Variants in CKAP2 observed in about 807,000 individuals in gnomAD.
CKAP2 encodes the protein cytoskeleton associated protein 2, also known as cytoskeleton-associated protein 2.
In CKAP2, 46 loss-of-function variants were observed where a neutral mutation model predicts 58.4. The ratio of observed to expected loss-of-function variants is 0.79; its 90% CI spans 0.62 to 1.01. The LOEUF is 1.01. CKAP2 is among the 50% of genes least tolerant of loss of function. The pLI is 0.00. For missense variants in CKAP2, 809 were observed against 796.4 expected (o/e 1.02, Z -0.19); for synonymous variants, 293 against 280.9 (o/e 1.04, Z -0.43).
chr13:52,461,398 G>A lies in CKAP2; in HGVS notation c.572G>A (p.Arg191Lys), dbSNP rs1279420474. 2 of 1,614,202 alleles carry A rather than the reference G, an allele frequency of 1.2e-6. No homozygotes were observed. The highest frequency in any genetic ancestry group is 2.2e-5 in the South Asian group (2 of 91,080). ...GTTCAGTCTAAGATTAATTCATTTA[G>A]AAAACCTCTACAAGTCAAAGATGAG... ...QIVQSKINSF[R>K]KPLQVKDESS... Residue 191 changes from arginine (R) to lysine (K), a missense_variant, in exon 4 of 9, where the codon AGA becomes AAA. Arg to Lys is a conservative substitution (Grantham distance 26). Transcript: ENST00000258607.
chr13:52,474,228 G>A, intron 8 of CKAP2, 144 bp downstream of exon 8: 2 of 802,918 alleles, frequency 2.5e-6, no homozygotes, highest in South Asian at 1.9e-5. Context: ...GCTCACGCCT[G>A]TAATTTCAGC....
intron 2 of CKAP2, among the ~76,000 whole-genome samples, chr13:52,460,124 G>A (rs1172214006): frequency 6.6e-6 from 1 of 152,086 alleles, no homozygotes. Flanking sequence ...CTCCCAAAGT[G>A]CTGCTATTAC....
In CKAP2 at chr13:52,461,825, G is replaced by C. The variant is rs3809374; in HGVS notation, c.999G>C (p.Leu333=). The change falls in exon 4 of 9, where the codon CTG becomes CTC. Residue 333 remains leucine (L), a synonymous_variant. Coordinates refer to ENST00000258607, the MANE Select transcript of CKAP2 (RefSeq NM_018204.5). Reference sequence around the variant, plus strand: ...CTGCTTCATTGTCTAATGATAAACTGATGGAAAAGTCAGAGCCCGTTGACC... The same window carrying C: ...CTGCTTCATTGTCTAATGATAAACTCATGGAAAAGTCAGAGCCCGTTGACC... ...ARPASLSNDK[L]MEKSEPVDQR... is the part of the protein sequence containing the mutation. 6.2e-7 allele frequency: 1 copy of C among 1,614,066 alleles called. No individual in the cohort carries two copies. Among genetic ancestry groups the C allele is most frequent in the South Asian group, 1.1e-5 (1 of 91,058 alleles).
chr13:52,463,492 T>G (rs1958615589), intron 5 of CKAP2, among the ~76,000 whole-genome samples: 2 of 152,044 alleles, frequency 1.3e-5, no homozygotes, highest in Admixed American at 6.5e-5. Flanking sequence ...AAAAGACACA[T>G]TAATACAGTG....
intron 4 of CKAP2, 115 bp downstream of exon 4, chr13:52,462,041 C>A: frequency 1.0e-6 from 1 of 954,462 alleles, no homozygotes; most frequent in Non-Finnish European, 1.5e-6. Flanking sequence ...TCTCTTCTGT[C>A]ATATGCAGGC....
At chr13:52,474,809 G>T in intron 8 of CKAP2, 86 bp from the exon 9 acceptor site, 1 of 1,289,016 alleles carries the variant, frequency 7.8e-7, no homozygotes, top group South Asian at 1.5e-5. Context: ...TAACATACAA[G>T]CTATATAGTA....
intron 2 of CKAP2, among the ~76,000 whole-genome samples, chr13:52,457,085 C>T (rs1171072259): frequency 6.6e-6 from 1 of 152,028 alleles, no homozygotes; most frequent in African/African-American, 2.4e-5. Context: ...TAAACAGAGA[C>T]CGGGTTTCAC....
Position 52,465,379 on chromosome 13 carries a change from A to G in CKAP2, c.1390A>G (p.Ile464Val), listed in dbSNP as rs757506861. 2 of 1,613,144 alleles carry G rather than the reference A, an allele frequency of 1.2e-6. No individual in the cohort carries two copies. Among genetic ancestry groups the G allele is most frequent in the Admixed American group, 3.3e-5 (2 of 60,008 alleles). Reference sequence around the variant, plus strand: ...TGCCAAAAAGCTTGTTAAGTATTGGATATGTCTTGCACTTATTGAACCAAT... The same window carrying G: ...TGCCAAAAAGCTTGTTAAGTATTGGGTATGTCTTGCACTTATTGAACCAAT... ...PDAKKLVKYW[I>V]CLALIEPITS... The change falls in exon 6 of 9, where the codon ATA becomes GTA. Residue 464 changes from isoleucine to valine, a missense_variant. Around this residue, in one of 3 missense-constraint regions of CKAP2, gnomAD observed 283 missense variants for 287.6 expected, o/e 0.98. Coordinates refer to ENST00000258607, the MANE Select transcript of CKAP2 (RefSeq NM_018204.5).
chr13:52,456,042 G>C (rs1207819536), intron 1 of CKAP2: 1 of 1,036,428 alleles, frequency 9.6e-7, no homozygotes, highest in Non-Finnish European at 1.2e-6. Flanking sequence ...CGCATCATGT[G>C]TTATTTCCAA....
At position 52,461,609 on chromosome 13, in the gene CKAP2, T is replaced by C. The variant is rs781591109; in HGVS notation, c.783T>C (p.Ser261=). 3.7e-6 allele frequency: 6 copies of C among 1,614,010 alleles called. No individual in the cohort carries two copies. The highest frequency in any genetic ancestry group is 5.1e-6 in the Non-Finnish European group (6 of 1,180,032). ...GACCTCCTATTAGAAGTCATCACAG[T>C]AATACCCGGGACACTGTGAAACAAG... ...LVRPPIRSHH[S]NTRDTVKQGI... The change falls in exon 4 of 9, where the codon AGT becomes AGC. Residue 261 remains serine (S), a synonymous_variant. Coordinates refer to ENST00000258607, the MANE Select transcript of CKAP2 (RefSeq NM_018204.5).
rs370416292 is a variant in CKAP2, at chr13:52,474,975, G to A, written c.1883G>A (p.Arg628Gln). Residue 628 changes from arginine (R) to glutamine (Q), a missense_variant, in exon 9 of 9, where the codon CGA (arginine) becomes CAA (glutamine). Around this residue, in one of 3 missense-constraint regions of CKAP2, gnomAD observed 283 missense variants for 287.6 expected, o/e 0.98. Transcript: ENST00000258607. ...LKFLTPVRRS[R>Q]RLQEKTSKLP... is the part of the protein sequence containing the mutation. The stretch of plus-strand genomic sequence containing the variant: ...TTTTTAACACCAGTGAGACGTTCTC[G>A]ACGTCTTCAAGAGAAAACTTCTAAA... The A allele has an allele frequency of 6.7e-5, 108 of 1,613,914 alleles. No individual in the cohort carries two copies. Among genetic ancestry groups the A allele is most frequent in the Middle Eastern group, 4.9e-4 (3 of 6,084 alleles).
At chr13:52,461,016 A>G in intron 3 of CKAP2, 42 bp downstream of exon 3, 1 of 1,606,004 alleles carries the variant, frequency 6.2e-7, no homozygotes, top group Non-Finnish European at 8.5e-7. Flanking sequence ...CCCCTTTTCC[A>G]TTTTGCCTTT....
Position 52,468,435 on chromosome 13 carries a change from C to T in CKAP2, c.1546+88C>T. On this transcript the variant is annotated intron_variant, in intron 7 of 8. Transcript: ENST00000258607. ...AACTTTTATTTTAAGATCAGGAGTA[C>T]GTGTGCAGGATGTGCAGGTTTGTTA... 21 of 750,650 alleles carry T rather than the reference C, an allele frequency of 2.8e-5. 1 individual carries two copies. Among genetic ancestry groups the T allele is most frequent in the South Asian group, 2.6e-4 (15 of 56,954 alleles). 46.5% of individuals were successfully genotyped at this position (750,650 alleles called of 1,614,324 possible).
chr13:52,464,607 T>C (rs1047581204), intron 5 of CKAP2, among the ~76,000 whole-genome samples: 1 of 151,702 alleles, frequency 6.6e-6, no homozygotes, highest in Non-Finnish European at 1.5e-5. Context: ...CATCATCATG[T>C]TTTTGAATTT....
rs1479438265 is a variant in CKAP2, at chr13:52,462,357, C to G, written c.1101-6C>G. 1.2e-6 allele frequency: 2 copies of G among 1,612,378 alleles called. No homozygotes were observed. Among genetic ancestry groups the G allele is most frequent in the South Asian group, 2.2e-5 (2 of 90,624 alleles). On this transcript the variant is annotated splice_region_variant and splice_polypyrimidine_tract_variant and intron_variant, in intron 4 of 8. Coordinates refer to ENST00000258607, the MANE Select transcript of CKAP2 (RefSeq NM_018204.5). ...AAGTAACGTTTATATCTGCTTCTAA[C>G]TATAGAGCTCGTCTGAGTGAGTGGA...
chr13:52,474,015 C>T lies in CKAP2; in HGVS notation c.1733C>T (p.Thr578Ile), dbSNP rs1566106162. The change falls in exon 8 of 9, where the codon ACC (threonine) becomes ATC (isoleucine). Residue 578 changes from threonine to isoleucine, a missense_variant. Physicochemically the swap from Thr to Ile is moderately conservative, Grantham distance 89. Around this residue, in one of 3 missense-constraint regions of CKAP2, gnomAD observed 283 missense variants for 287.6 expected, o/e 0.98. Coordinates refer to ENST00000258607, the MANE Select transcript of CKAP2 (RefSeq NM_018204.5). ...AAAGATCCAACCCATGATGTTAAAA[C>T]CCCCAATACAGAAACGAGGACAAGT... ...KTKDPTHDVKTPNTETRTSCL... is the reference protein window; with the variant it reads ...KTKDPTHDVKIPNTETRTSCL... 6.2e-7 allele frequency: 1 copy of T among 1,613,848 alleles called. No individual in the cohort carries two copies. Among genetic ancestry groups the T allele is most frequent in the East Asian group, 2.2e-5 (1 of 44,840 alleles).
chr13:52,459,046 A>G (rs888926974), intron 2 of CKAP2, among the ~76,000 whole-genome samples: 42 of 152,040 alleles, frequency 2.8e-4, no homozygotes, highest in Non-Finnish European at 5.0e-4. Context: ...ATAATAAGAC[A>G]GAATAGGATT....
chr13:52,463,120 T>C (rs1028122327), intron 5 of CKAP2, among the ~76,000 whole-genome samples: 8 of 152,132 alleles, frequency 5.3e-5, no homozygotes, highest in Non-Finnish European at 1.2e-4. Flanking sequence ...GTATTTTTAG[T>C]AGAGACAGGG....
At chr13:52,465,873 C>G in intron 6 of CKAP2, 1 of 356,686 alleles carries the variant, frequency 2.8e-6, no homozygotes, top group Non-Finnish European at 5.4e-6. Context: ...TGTGAGAACT[C>G]TTTAAGAGTA....
Sources: allele counts gnomAD v4.1 joint callset (sites outside exome capture counted in the v4.1 genomes callset), GRCh38; gene constraint gnomAD v4.1.1; regional missense constraint gnomAD v4.1.1; transcripts MANE v1.5; gene names NCBI Gene and HGNC (gene_info 2026-07-23, HGNC 2026-07-21).